Variants in PRSS38 observed in about 807,000 individuals in gnomAD.
PRSS38 encodes the protein marapsin 2.
In PRSS38, 22 loss-of-function variants were observed where a neutral mutation model predicts 26.8. That is an observed-to-expected ratio of 0.82 (90% confidence interval 0.59 to 1.17). The LOEUF (loss-of-function observed/expected upper bound fraction) is 1.17. PRSS38 is among the 50% of genes most tolerant of loss of function. PRSS38 has a pLI of 0.00. For missense variants in PRSS38, 427 were observed against 422.7 expected (o/e 1.01, Z -0.09); for synonymous variants, 175 against 172.1 (o/e 1.02, Z -0.13).
At chr1:227,820,249 A>C (rs1460606600) in intron 3 of PRSS38, among the ~76,000 whole-genome samples, 1 of 152,044 alleles carries the variant, frequency 6.6e-6, no homozygotes, top group Non-Finnish European at 1.5e-5. Flanking sequence ...GTCATCTATG[A>C]ATAGAGATTG....
rs1664919254 is a variant in PRSS38 at position 227,816,438 on chromosome 1, T to TCC, written c.311+186_311+187insCC. Among the ~76,000 whole-genome samples the TCC allele has an allele frequency of 6.6e-6, 1 of 151,296 alleles. No individual in the cohort carries two copies. Among genetic ancestry groups the TCC allele is most frequent in the Non-Finnish European group, 1.5e-5 (1 of 67,756 alleles). On this transcript the variant is annotated intron_variant, in intron 2 of 4. Transcript: ENST00000366757. This position sits in a 1 kb window ranked among gnomAD's most constrained non-coding sequence, Gnocchi z 5.1. ...CCCCAAACACACAGCTGGGTCCCCA[T>TCC]TCTTGAGGCTGGTCCCCCAAGTGCA...
chr1:227,830,838 C>G (rs976194488), intron 3 of PRSS38, among the ~76,000 whole-genome samples: 1 of 151,904 alleles, frequency 6.6e-6, no homozygotes, highest in African/African-American at 2.4e-5. Flanking sequence ...CACAGTTGTT[C>G]ATAATAGTCT....
exon 1 of PRSS38, chr1:227,815,707 C>T: frequency 6.3e-7 from 1 of 1,575,870 alleles, no homozygotes. Flanking sequence ...GGGGCGCTGC[C>T]TCGAGCCTCA....
chr1:227,845,435 G>A (rs1266544771), intron 3 of PRSS38, 35 bp from the exon 4 acceptor site: 4 of 1,573,608 alleles, frequency 2.5e-6, no homozygotes, highest in Non-Finnish European at 1.7e-6. Context: ...ACACGAAGCA[G>A]GTGCTGCCCC....
intron 3 of PRSS38, among the ~76,000 whole-genome samples, chr1:227,818,307 A>T (rs1197263775): frequency 6.6e-6 from 1 of 152,220 alleles, no homozygotes; most frequent in African/African-American, 2.4e-5. Flanking sequence ...ATAGAAAATT[A>T]TTGATTTTAT....
chr1:227,840,694 A>G (rs956132914), intron 3 of PRSS38, among the ~76,000 whole-genome samples: 5 of 152,096 alleles, frequency 3.3e-5, no homozygotes, highest in African/African-American at 1.2e-4. Context: ...TGTCCTCTAC[A>G]GTTGTTTGAA....
chr1:227,845,178 AATGTGTGGTGGGGCTCCTCCCT>A (rs1343950219), intron 3 of PRSS38, among the ~76,000 whole-genome samples: 10 of 80,890 alleles, frequency 1.2e-4, no homozygotes, highest in African/African-American at 4.1e-4. Context: ...GCTCCTCCCT[AATGTGTGGTGGGGCTCCTCCCT>A]ATGTGTGGTG....
intron 3 of PRSS38, among the ~76,000 whole-genome samples, chr1:227,825,805 G>C (rs1391635111): frequency 1.3e-5 from 2 of 152,092 alleles, no homozygotes; most frequent in Admixed American, 1.3e-4. Flanking sequence ...TTTGAAATTG[G>C]GTAGCATGGT....
intron 3 of PRSS38, among the ~76,000 whole-genome samples, chr1:227,841,339 C>G (rs572877625): frequency 1.3e-5 from 2 of 152,236 alleles, no homozygotes; most frequent in African/African-American, 4.8e-5. Context: ...GCTTAAATCC[C>G]GTTGACCAAA....
chr1:227,819,607 T>A (rs1664972034), intron 3 of PRSS38, among the ~76,000 whole-genome samples: 1 of 152,226 alleles, frequency 6.6e-6, no homozygotes, highest in Admixed American at 6.5e-5. Context: ...TCCATAAACA[T>A]GGAATGTATT....
chr1:227,845,566 A>T (rs1458511902), exon 4 of PRSS38: 1 of 1,613,554 alleles, frequency 6.2e-7, no homozygotes, highest in African/African-American at 1.3e-5. Context: ...ATCATGCCCG[A>T]CATGCTGTGT....
intron 3 of PRSS38, among the ~76,000 whole-genome samples, chr1:227,830,906 G>T (rs1429302020): frequency 2.0e-5 from 3 of 151,822 alleles, no homozygotes; most frequent in Non-Finnish European, 4.4e-5. Flanking sequence ...TTCTGATTTT[G>T]GTAATTGGCA....
intron 3 of PRSS38, among the ~76,000 whole-genome samples, chr1:227,842,227 T>C (rs1665348276): frequency 6.6e-6 from 1 of 152,222 alleles, no homozygotes. Flanking sequence ...CCTGCAGGTC[T>C]ATCTGTGATC....
At chr1:227,815,733 C>T (rs753012911) in exon 1 of PRSS38, 4 of 1,593,878 alleles carry the variant, frequency 2.5e-6, no homozygotes, top group Non-Finnish European at 3.4e-6. Context: ...GCCCCTGCTT[C>T]CGTCATGGGC....
At chr1:227,824,828 T>C (rs918177883) in intron 3 of PRSS38, among the ~76,000 whole-genome samples, 5 of 152,222 alleles carry the variant, frequency 3.3e-5, no homozygotes, top group Non-Finnish European at 5.9e-5. Context: ...TCAGTGATGT[T>C]GAGCTTTTTT....
intron 3 of PRSS38, among the ~76,000 whole-genome samples, chr1:227,835,243 T>A (rs1472003373): frequency 1.3e-5 from 2 of 152,154 alleles, no homozygotes; most frequent in African/African-American, 4.8e-5. Context: ...TAAAATGACA[T>A]ACTCCCTGCA....
At chr1:227,828,363 T>C (rs562078502) in intron 3 of PRSS38, among the ~76,000 whole-genome samples, 2 of 152,336 alleles carry the variant, frequency 1.3e-5, no homozygotes, top group East Asian at 3.9e-4. Flanking sequence ...GTTATGAATC[T>C]GGGTGCTCCT....
intron 3 of PRSS38, among the ~76,000 whole-genome samples, chr1:227,840,771 A>T (rs1374216304): frequency 2.0e-5 from 3 of 152,280 alleles, no homozygotes; most frequent in East Asian, 3.9e-4. Context: ...AGAACCAGCC[A>T]CTTGGCTTTC....
At chr1:227,830,032 T>G (rs532542989) in intron 3 of PRSS38, among the ~76,000 whole-genome samples, 250 of 152,308 alleles carry the variant, frequency 1.6e-3, no homozygotes, top group Non-Finnish European at 2.7e-3. Context: ...AGAAATGCTT[T>G]TTCTACATCT....
Sources: allele counts gnomAD v4.1 joint callset (sites outside exome capture counted in the v4.1 genomes callset), GRCh38; gene constraint gnomAD v4.1.1; non-coding constraint Gnocchi (gnomAD v3.1); transcripts MANE v1.5; gene names NCBI Gene and HGNC (gene_info 2026-07-23, HGNC 2026-07-21).